The following PCSK5 variants were observed in gnomAD, a reference collection of about 807,000 sequenced individuals.
PCSK5 encodes proprotein convertase subtilisin/kexin type 5.
A neutral mutation model predicts 233.2 loss-of-function variants in PCSK5; 129 were observed. The ratio of observed to expected loss-of-function variants is 0.55; its 90% CI spans 0.48 to 0.64. The LOEUF (loss-of-function observed/expected upper bound fraction) is 0.64, where lower values mean the gene tolerates loss of function less well. Among genes scored for constraint, PCSK5 ranks in the 30% least tolerant of loss-of-function variants. The pLI, the probability that PCSK5 is intolerant of heterozygous loss-of-function variation, is 0.00. For missense variants in PCSK5, 2,076 were observed against 2,430.1 expected (o/e 0.85, Z 3.06); for synonymous variants, 825 against 879.2 (o/e 0.94, Z 1.09).
chr9:75,962,562 G>A (rs921588216), intron 2 of PCSK5, among the ~76,000 whole-genome samples: 8 of 152,210 alleles, frequency 5.3e-5, no homozygotes, highest in African/African-American at 1.9e-4. Context: ...GTTTTAAATT[G>A]TGGTGCTGGA....
chr9:76,225,537 C>G (rs904402725), intron 20 of PCSK5, among the ~76,000 whole-genome samples: 1 of 152,172 alleles, frequency 6.6e-6, no homozygotes, highest in African/African-American at 2.4e-5. Context: ...GCCTTGGGTC[C>G]TCTGCTCTTA....
intron 5 of PCSK5, 75 bp downstream of exon 5, chr9:76,027,112 T>G (rs1006859632): frequency 4.5e-6 from 4 of 892,918 alleles, no homozygotes; most frequent in Admixed American, 2.1e-5. Flanking sequence ...GAGGGAAGTA[T>G]TTTCTTCAAA....
chr9:75,952,830 C>G (rs1477254276), intron 2 of PCSK5, among the ~76,000 whole-genome samples: 9 of 152,336 alleles, frequency 5.9e-5, no homozygotes, highest in African/African-American at 2.2e-4. Flanking sequence ...TATTCTATTA[C>G]ATGGATGTAT....
intron 20 of PCSK5, among the ~76,000 whole-genome samples, chr9:76,218,470 G>T (rs1468209296): frequency 6.6e-6 from 1 of 152,126 alleles, no homozygotes; most frequent in African/African-American, 2.4e-5. Context: ...TTTAGATGAT[G>T]TTCACACAGG....
chr9:75,997,361 T>A (rs1827063892), intron 3 of PCSK5, among the ~76,000 whole-genome samples: 1 of 152,200 alleles, frequency 6.6e-6, no homozygotes, highest in Non-Finnish European at 1.5e-5. Flanking sequence ...ATGAAATGAA[T>A]TGGAAAGAAG....
chr9:75,961,578 A>G (rs1462536401), intron 2 of PCSK5, among the ~76,000 whole-genome samples: 4 of 152,168 alleles, frequency 2.6e-5, no homozygotes, highest in Non-Finnish European at 5.9e-5. Flanking sequence ...TTATTAGAAC[A>G]TGTTTAAGTA....
intron 2 of PCSK5, among the ~76,000 whole-genome samples, chr9:75,943,349 G>T (rs1426340219): frequency 6.6e-6 from 1 of 152,040 alleles, no homozygotes; most frequent in Non-Finnish European, 1.5e-5. Flanking sequence ...CAAATCTAGG[G>T]AATAAGTGCA....
At chr9:76,241,515 G>A (rs114508074) in intron 24 of PCSK5, among the ~76,000 whole-genome samples, 73 of 152,284 alleles carry the variant, frequency 4.8e-4, no homozygotes, top group African/African-American at 1.7e-3. Context: ...ATCAAGCATC[G>A]TGGTAACAGT....
At chr9:75,896,112 T>A (rs4745462) in intron 1 of PCSK5, among the ~76,000 whole-genome samples, 80,972 of 151,928 alleles carry the variant, frequency 0.53, 24,056 homozygotes, top group African/African-American at 0.8. Context: ...ATGCTCAAGA[T>A]CCTCAGCCCT....
At chr9:76,144,927 A>G (rs558418890) in intron 10 of PCSK5, among the ~76,000 whole-genome samples, 2 of 152,266 alleles carry the variant, frequency 1.3e-5, no homozygotes, top group Admixed American at 1.3e-4. Flanking sequence ...GAAGTTCAAG[A>G]CCAGCCTGGC....
At chr9:75,975,863 G>A (rs1198519128) in intron 2 of PCSK5, among the ~76,000 whole-genome samples, 1 of 152,176 alleles carries the variant, frequency 6.6e-6, no homozygotes, top group East Asian at 1.9e-4. Flanking sequence ...ACAAATAAAT[G>A]TAGAATGAAG....
At chr9:75,962,135 G>GT (rs58509977) in intron 2 of PCSK5, among the ~76,000 whole-genome samples, 2 of 152,078 alleles carry the variant, frequency 1.3e-5, no homozygotes, top group African/African-American at 4.8e-5. Context: ...CTGGGGGAGG[G>GT]GGCCACGTTG....
At chr9:76,301,220 C>T (rs1001377310) in intron 27 of PCSK5, among the ~76,000 whole-genome samples, 1 of 147,884 alleles carries the variant, frequency 6.8e-6, no homozygotes, top group South Asian at 2.2e-4. Context: ...TGCAGTGAGC[C>T]GAGATCACAC....
At chr9:76,078,738 A>C (rs1171345664) in intron 7 of PCSK5, among the ~76,000 whole-genome samples, 1 of 152,150 alleles carries the variant, frequency 6.6e-6, no homozygotes, top group African/African-American at 2.4e-5. Context: ...CTTTTAGTAT[A>C]GTTTATACCA....
chr9:75,928,127 C>A (rs1356517932), intron 1 of PCSK5, among the ~76,000 whole-genome samples: 1 of 152,050 alleles, frequency 6.6e-6, no homozygotes. Flanking sequence ...TGTGACTGTA[C>A]AGAAGAGGAG....
intron 2 of PCSK5, among the ~76,000 whole-genome samples, chr9:75,978,869 C>CTTTTTTTTTTTTTTTTTT (rs5898441): frequency 7.8e-6 from 1 of 128,044 alleles, no homozygotes; most frequent in East Asian, 2.2e-4. Flanking sequence ...GAATGTTTCC[C>CTTTTTTTTTTTTTTTTTT]TTTTTTTTTT....
At chr9:76,087,959 C>T (rs971832405) in intron 7 of PCSK5, among the ~76,000 whole-genome samples, 12 of 152,198 alleles carry the variant, frequency 7.9e-5, no homozygotes, top group African/African-American at 2.4e-4. Context: ...CCATTTTTCT[C>T]ACCAGAGAAG....
chr9:75,994,615 G>A (rs756449576), intron 3 of PCSK5, among the ~76,000 whole-genome samples: 1 of 151,410 alleles, frequency 6.6e-6, no homozygotes, highest in African/African-American at 2.4e-5. Flanking sequence ...GTAGAGACGG[G>A]GTGTCACCGT....
At chr9:76,112,106 A>G (rs182864910) in intron 9 of PCSK5, among the ~76,000 whole-genome samples, 132 of 152,302 alleles carry the variant, frequency 8.7e-4, no homozygotes, top group Non-Finnish European at 3.4e-4. Context: ...ACAAAAATTA[A>G]GTTCATCAAA....
Sources: gnomAD v4.1 joint callset for allele counts (sites outside exome capture counted in the v4.1 genomes callset) on GRCh38, gnomAD v4.1.1 for gene constraint, MANE v1.5 for transcripts, NCBI Gene and HGNC (gene_info 2026-07-23, HGNC 2026-07-21) for gene names.